Variants in ZNF200 observed in about 807,000 individuals in gnomAD.
ZNF200 encodes the protein zinc finger protein 200.
A neutral mutation model predicts 33.6 loss-of-function variants in ZNF200; 35 were observed. The observed-to-expected ratio is 1.04, with a 90% confidence interval of 0.80 to 1.38. The LOEUF is 1.38. Among genes scored for constraint, ZNF200 ranks in the 40% most tolerant of loss-of-function variants. ZNF200 has a pLI of 0.00. For missense variants in ZNF200, 592 were observed against 470.6 expected (o/e 1.26, Z -2.39); for synonymous variants, 209 against 167.7 (o/e 1.25, Z -1.90).
chr16:3,228,459 T>C (rs1240161489), intron 4 of ZNF200, among the ~76,000 whole-genome samples: 1 of 150,806 alleles, frequency 6.6e-6, no homozygotes, highest in African/African-American at 2.4e-5. Flanking sequence ...CTCCTTTATA[T>C]ATAAGAAATA....
intron 4 of ZNF200, chr16:3,226,869 T>C (rs12447421): frequency 0.39 from 59,986 of 152,084 alleles, 12,380 homozygotes; most frequent in East Asian, 0.57. Flanking sequence ...ACCAGCAATA[T>C]ACCTGTTTCT....
chr16:3,229,144 A>T (rs1958563308), intron 4 of ZNF200, among the ~76,000 whole-genome samples: 2 of 152,124 alleles, frequency 1.3e-5, no homozygotes. Flanking sequence ...AGTATATGTA[A>T]ATGCTACACC....
chr16:3,227,495 T>C (rs1425986668), intron 4 of ZNF200: 1 of 152,246 alleles, frequency 6.6e-6, no homozygotes, highest in Non-Finnish European at 1.5e-5. Context: ...TCCCCCTTTA[T>C]GGTTAGGCTT....
Position 3,233,583 on chromosome 16 carries a change from C to T in ZNF200, c.173G>A (p.Ser58Asn). The T allele has an allele frequency of 6.2e-7, 1 of 1,612,516 alleles. No homozygotes were observed. Among genetic ancestry groups the T allele is most frequent in the South Asian group, 1.1e-5 (1 of 90,900 alleles). ...EHFLTFLPKP[S>N]LVQPSQKVKE... ...GACTTTCTGACTGGGCTGGACCAGG[C>T]TTGGCTTGGGCAAGAAGGTGAGGAA... The change falls in exon 2 of 5, where the codon AGC becomes AAC. Residue 58 changes from serine (S) to asparagine (N), a missense_variant. Coordinates refer to ENST00000414144, the MANE Select transcript of ZNF200 (RefSeq NM_198088.3).
rs1036172318 is a variant in ZNF200 at position 3,222,515 on chromosome 16, T to C, written c.*1377A>G. On this transcript the variant is annotated 3_prime_UTR_variant, in exon 5 of 5. Coordinates refer to ENST00000414144, the MANE Select transcript of ZNF200 (RefSeq NM_198088.3). ...GGAAAAAACTACAATAACAAAATTG[T>C]GTAAAACAAGTGAAGAAAATTAGAA... 1 of 152,166 alleles carries C rather than the reference T, an allele frequency of 6.6e-6. No individual in the cohort carries two copies. Among genetic ancestry groups the C allele is most frequent in the African/African-American group, 2.4e-5 (1 of 41,440 alleles). 9.4% of individuals were successfully genotyped at this position (152,166 alleles called of 1,614,324 possible).
chr16:3,233,882 A>C (rs1958717148), intron 1 of ZNF200, 46 bp from the exon 2 acceptor site: 31 of 1,441,178 alleles, frequency 2.2e-5, no homozygotes, highest in Non-Finnish European at 2.8e-5. Flanking sequence ...CAGGCACGGC[A>C]TTACTGCACT....
rs1195134430 is a variant in ZNF200 at position 3,222,338 on chromosome 16, A to C, written c.*1554T>G. ...AATAGGCAGAAGGCAAGAAACAAAAACTATTCTTTGTAGATGGTGTCATTT... is the reference window on the plus strand; with the variant it reads ...AATAGGCAGAAGGCAAGAAACAAAACCTATTCTTTGTAGATGGTGTCATTT... On this transcript the variant is annotated 3_prime_UTR_variant, in exon 5 of 5. Coordinates refer to ENST00000414144, the MANE Select transcript of ZNF200 (RefSeq NM_198088.3). 1 of 152,260 alleles carries C rather than the reference A, an allele frequency of 6.6e-6. No homozygotes were observed. The highest frequency in any genetic ancestry group is 1.5e-5 in the Non-Finnish European group (1 of 68,046). The allele number at this position is 152,260 out of a possible 1,614,324, so 9.4% of individuals were successfully genotyped here.
intron 1 of ZNF200, among the ~76,000 whole-genome samples, chr16:3,234,400 T>A (rs1596344959): frequency 6.7e-6 from 1 of 149,194 alleles, no homozygotes; most frequent in East Asian, 2.0e-4. Context: ...ACCCTGACTC[T>A]AAAAAAAGAA....
rs1353704431 is a variant in ZNF200, at chr16:3,224,553, T to C, written c.527A>G (p.Asp176Gly). The change falls in exon 5 of 5, where the codon GAT becomes GGT. Residue 176 changes from aspartate (D) to glycine (G), a missense_variant. By Grantham distance (94) the Asp-to-Gly change is moderately conservative. Transcript: ENST00000414144. ...DPEREPVENE[D>G]YREKSSDDDE... is the part of the protein sequence containing the mutation. ...ATCATCTGAAGACTTTTCTCTATAA[T>C]CTTCATTTTCTACAGGTTCCCTCTC... 6.2e-7 allele frequency: 1 copy of C among 1,612,744 alleles called. No individual in the cohort carries two copies. Among genetic ancestry groups the C allele is most frequent in the South Asian group, 1.1e-5 (1 of 90,894 alleles).
intron 4 of ZNF200, chr16:3,227,219 G>A (rs1402304745): frequency 6.6e-6 from 1 of 152,300 alleles, no homozygotes; most frequent in Non-Finnish European, 1.5e-5. Flanking sequence ...TGGGATTACA[G>A]GCGTGAGCCA....
intron 4 of ZNF200, chr16:3,226,743 T>A (rs1958484249): frequency 1.3e-5 from 2 of 152,330 alleles, no homozygotes; most frequent in South Asian, 4.1e-4. Context: ...TCGAATGTGT[T>A]CTGTTGCTAT....
chr16:3,226,518 G>T (rs1423136893), intron 4 of ZNF200: 1 of 152,080 alleles, frequency 6.6e-6, no homozygotes, highest in African/African-American at 2.4e-5. Flanking sequence ...TATTTAATAG[G>T]TATAAAATAG....
At chr16:3,232,947 G>A (rs761490962) in intron 2 of ZNF200, 26 bp from the exon 3 acceptor site, 3 of 1,603,614 alleles carry the variant, frequency 1.9e-6, no homozygotes, top group Non-Finnish European at 2.6e-6. Context: ...GGTTTAGTTA[G>A]TGAAAAACTC....
intron 4 of ZNF200, chr16:3,225,897 T>G (rs1336417714): frequency 6.6e-6 from 1 of 150,976 alleles, no homozygotes; most frequent in Non-Finnish European, 1.5e-5. Context: ...ACCAATAGAT[T>G]TTTTTTTATT....
rs1958358004 is a variant in ZNF200, at chr16:3,222,662, G to A, written c.*1230C>T. 6.6e-6 allele frequency: 1 copy of A among 152,130 alleles called. No individual in the cohort carries two copies. Among genetic ancestry groups the A allele is most frequent in the Non-Finnish European group, 1.5e-5 (1 of 68,016 alleles). The allele number at this position is 152,130 out of a possible 1,614,324, so 9.4% of individuals were successfully genotyped here. A position where few individuals can be genotyped will look rare whatever the true frequency, so the allele number is the denominator to read the frequency against. Reference sequence around the variant, plus strand: ...TCTTTATTCCAATCAAAACACCAATGTATAACTTTTGGAAACCTAAAGCAA... The same window carrying A: ...TCTTTATTCCAATCAAAACACCAATATATAACTTTTGGAAACCTAAAGCAA... On this transcript the variant is annotated 3_prime_UTR_variant, in exon 5 of 5. Transcript: ENST00000414144.
In ZNF200 at chr16:3,232,521, A is replaced by G; in HGVS notation, c.366T>C (p.Asn122=). Residue 122 remains asparagine (N), a synonymous_variant, in exon 4 of 5, where the codon AAT becomes AAC. Transcript: ENST00000414144. ...PEELVVFEDL[N]VFHCQEECVS... ...CACATTCTTCCTGGCAGTGAAATAC[A>G]TTCAAATCCTCAAAGACCACCAGCT... is the stretch of plus-strand genomic sequence containing the variant. 1.9e-6 allele frequency: 3 copies of G among 1,614,026 alleles called. No individual in the cohort carries two copies. The highest frequency in any genetic ancestry group is 2.5e-6 in the Non-Finnish European group (3 of 1,179,994).
intron 4 of ZNF200, chr16:3,226,051 C>CTTTTTT (rs1239171798): frequency 2.0e-5 from 1 of 50,442 alleles, no homozygotes; most frequent in African/African-American, 6.8e-5. Flanking sequence ...TTTTTTCTTT[C>CTTTTTT]TTTTTTTTTT....
intron 4 of ZNF200, among the ~76,000 whole-genome samples, chr16:3,230,102 C>T (rs1958595870): frequency 6.6e-6 from 1 of 152,178 alleles, no homozygotes; most frequent in Non-Finnish European, 1.5e-5. Flanking sequence ...GAGCCTGGCA[C>T]CTTCCTACTC....
intron 1 of ZNF200, among the ~76,000 whole-genome samples, chr16:3,234,397 C>T (rs572396484): frequency 1.5e-4 from 23 of 150,982 alleles, no homozygotes; most frequent in Non-Finnish European, 8.9e-5. Flanking sequence ...AAGACCCTGA[C>T]TCTAAAAAAA....
Sources: gnomAD v4.1 joint callset for allele counts (sites outside exome capture counted in the v4.1 genomes callset) on GRCh38, gnomAD v4.1.1 for gene constraint, MANE v1.5 for transcripts, NCBI Gene and HGNC (gene_info 2026-07-23, HGNC 2026-07-21) for gene names.